The following PPP3CA variants were observed in gnomAD, a reference collection of about 807,000 sequenced individuals.
The protein encoded by PPP3CA is protein phosphatase 3 catalytic subunit alpha.
In PPP3CA, 14 loss-of-function variants were observed where a neutral mutation model predicts 66.5. The observed-to-expected ratio is 0.21, with a 90% CI of 0.14 to 0.33. The LOEUF (loss-of-function observed/expected upper bound fraction) is 0.33, where lower values mean the gene tolerates loss of function less well. Ranked by LOEUF, PPP3CA falls within the 10% of genes least tolerant of loss-of-function variation. The pLI, the probability that PPP3CA is intolerant of heterozygous loss-of-function variation, is 1.00. For synonymous variants in PPP3CA, 232 were observed against 226.2 expected (o/e 1.03, Z -0.23); for missense variants, 317 against 639.5 (o/e 0.50, Z 5.44).
At chr4:101,282,703 T>C (rs911056568) in intron 1 of PPP3CA, among the ~76,000 whole-genome samples, 5 of 152,170 alleles carry the variant, frequency 3.3e-5, no homozygotes, top group Non-Finnish European at 5.9e-5. Context: ...TTAAACACCC[T>C]AGCAAGCTTC....
chr4:101,114,067 A>G (rs1721765060), intron 2 of PPP3CA, among the ~76,000 whole-genome samples: 2 of 152,196 alleles, frequency 1.3e-5, no homozygotes, highest in Middle Eastern at 3.4e-3. Flanking sequence ...TCCTAATTAG[A>G]ATGCTGGTGG....
intron 1 of PPP3CA, among the ~76,000 whole-genome samples, chr4:101,335,622 G>A (rs1181312814): frequency 6.6e-6 from 1 of 152,016 alleles, no homozygotes; most frequent in African/African-American, 2.4e-5. Flanking sequence ...AAATAACAAG[G>A]GAATTTCAAT....
At chr4:101,095,877 C>T (rs181006117) in intron 5 of PPP3CA, among the ~76,000 whole-genome samples, 384 of 152,268 alleles carry the variant, frequency 2.5e-3, no homozygotes, top group Middle Eastern at 0.024. Context: ...GTCTCGAACT[C>T]CTGACCTCAT....
chr4:101,278,557 C>A (rs1174217700), intron 1 of PPP3CA, among the ~76,000 whole-genome samples: 1 of 152,136 alleles, frequency 6.6e-6, no homozygotes, highest in East Asian at 1.9e-4. Flanking sequence ...ACTGCGGATA[C>A]CACAGAGGTG....
chr4:101,202,004 T>C (rs1170553507), intron 1 of PPP3CA, among the ~76,000 whole-genome samples: 1 of 152,072 alleles, frequency 6.6e-6, no homozygotes, highest in African/African-American at 2.4e-5. Context: ...GCTTACCAGG[T>C]GGTATAATTA....
At chr4:101,080,433 A>C (rs1235896846) in intron 8 of PPP3CA, 99 bp downstream of exon 8, 1 of 539,626 alleles carries the variant, frequency 1.9e-6, no homozygotes, top group Non-Finnish European at 2.9e-6. Flanking sequence ...TTTAAAAAAA[A>C]AGACTGGTTA....
intron 2 of PPP3CA, among the ~76,000 whole-genome samples, chr4:101,115,750 T>C (rs1293476689): frequency 1.3e-5 from 2 of 151,912 alleles, no homozygotes; most frequent in Non-Finnish European, 2.9e-5. Flanking sequence ...CAACAATATC[T>C]TTCACTTAGT....
intron 2 of PPP3CA, among the ~76,000 whole-genome samples, chr4:101,143,975 C>T (rs560387256): frequency 1.3e-5 from 2 of 152,290 alleles, no homozygotes; most frequent in South Asian, 2.1e-4. Flanking sequence ...ATAAACCAGT[C>T]ACATAAACCA....
intron 2 of PPP3CA, among the ~76,000 whole-genome samples, chr4:101,134,527 A>G (rs1722552809): frequency 6.6e-6 from 1 of 152,218 alleles, no homozygotes; most frequent in Admixed American, 6.5e-5. Flanking sequence ...CAAAACCACA[A>G]TGTCATCTCA....
chr4:101,289,124 CTATGTATATCTACATTAAAAT>C (rs1389087843), intron 1 of PPP3CA, among the ~76,000 whole-genome samples: 2 of 152,144 alleles, frequency 1.3e-5, no homozygotes, highest in Non-Finnish European at 2.9e-5. Context: ...TTCATTAAAA[CTATGTATATCTACATTAAAAT>C]ATACTCAAAA....
chr4:101,092,428 GT>G (rs35795123), intron 6 of PPP3CA, among the ~76,000 whole-genome samples: 27,383 of 144,816 alleles, frequency 0.19, 3,153 homozygotes, highest in African/African-American at 0.33. Context: ...TTTTGGTACA[GT>G]TTTTTTTTTT....
intron 1 of PPP3CA, among the ~76,000 whole-genome samples, chr4:101,314,274 T>C (rs898922487): frequency 2.6e-5 from 4 of 152,162 alleles, no homozygotes; most frequent in Non-Finnish European, 5.9e-5. Context: ...TTCTAAATTA[T>C]CAAATTTCAA....
chr4:101,109,023 C>T lies in PPP3CA; in HGVS notation c.315G>A (p.Gly105=). The stretch of plus-strand genomic sequence containing the variant: ...GGTAGCGAGTGTTGGCAGGAGATCC[C>T]CCGACTTCAAAGAGCTTCATCAAAT... ...FFDLMKLFEV[G]GSPANTRYLF... The change falls in exon 3 of 14, where the codon GGG becomes GGA. Residue 105 remains glycine (G), a synonymous_variant. Transcript: ENST00000394854. 1 of 1,613,386 alleles carries T rather than the reference C, an allele frequency of 6.2e-7. No individual in the cohort carries two copies. The highest frequency in any genetic ancestry group is 1.1e-5 in the South Asian group (1 of 91,054).
In PPP3CA at chr4:101,040,554, G is replaced by A; in HGVS notation, c.1169C>T (p.Ala390Val). Residue 390 changes from alanine (A) to valine (V), a missense_variant, in exon 11 of 14, where the codon GCA becomes GTA. This residue lies in a region of PPP3CA where 201 missense variants were observed against 501.4 expected (regional missense o/e 0.40). Coordinates refer to ENST00000394854, the MANE Select transcript of PPP3CA (RefSeq NM_000944.5). Reference protein sequence around the residue: ...EEDGFDGATAAARKEVIRNKI... With the variant: ...EEDGFDGATAVARKEVIRNKI... ...GTTCCTTATCACCTCTTTCCGGGCT[G>A]CAGCTGTTGCACCTGTATTTTCAAA... is the stretch of plus-strand genomic sequence containing the variant. The A allele has an allele frequency of 6.2e-7, 1 of 1,612,136 alleles. No individual in the cohort carries two copies. The highest frequency in any genetic ancestry group is 8.5e-7 in the Non-Finnish European group (1 of 1,179,350).
At chr4:101,146,804 T>C (rs1210277909) in intron 2 of PPP3CA, among the ~76,000 whole-genome samples, 1 of 152,182 alleles carries the variant, frequency 6.6e-6, no homozygotes, top group South Asian at 2.1e-4. Flanking sequence ...ACAGTACAGA[T>C]TGAATATCCC....
At chr4:101,294,075 G>A (rs1185352636) in intron 1 of PPP3CA, among the ~76,000 whole-genome samples, 1 of 152,158 alleles carries the variant, frequency 6.6e-6, no homozygotes, top group Non-Finnish European at 1.5e-5. Context: ...ACTAACAATA[G>A]TAACTGAGGA....
At chr4:101,344,719 G>A (rs1729923662) in intron 1 of PPP3CA, among the ~76,000 whole-genome samples, 1 of 152,170 alleles carries the variant, frequency 6.6e-6, no homozygotes, top group African/African-American at 2.4e-5. Flanking sequence ...AACTAAGCCA[G>A]AAAGTATAAA....
intron 1 of PPP3CA, among the ~76,000 whole-genome samples, chr4:101,196,327 T>C (rs1351987109): frequency 6.6e-6 from 1 of 152,234 alleles, no homozygotes; most frequent in African/African-American, 2.4e-5. Context: ...TTAAACAAAA[T>C]TGATAGTTCT....
chr4:101,027,264 A>G (rs200758591), intron 13 of PPP3CA, among the ~76,000 whole-genome samples: 24,687 of 129,538 alleles, frequency 0.19, 2,149 homozygotes, highest in South Asian at 0.29. Flanking sequence ...TTGGGGGGGA[A>G]AAAAAAAAAA....
Sources: allele counts gnomAD v4.1 joint callset (sites outside exome capture counted in the v4.1 genomes callset), GRCh38; gene constraint gnomAD v4.1.1; regional missense constraint gnomAD v4.1.1; transcripts MANE v1.5; gene names NCBI Gene and HGNC (gene_info 2026-07-23, HGNC 2026-07-21).